Variants in MAF observed in about 807,000 individuals in gnomAD.
MAF encodes the protein transcription factor Maf.
A neutral mutation model predicts 22.0 loss-of-function variants in MAF; 10 were observed. That is an observed-to-expected ratio of 0.45 (90% confidence interval 0.28 to 0.77). The LOEUF is 0.77. MAF is among the 30% of genes least tolerant of loss of function. MAF has a pLI of 0.12. For missense variants in MAF, 544 were observed against 548.4 expected, an observed-to-expected ratio of 0.99 and a Z score of 0.08; for synonymous variants, 337 against 255.8, an observed-to-expected ratio of 1.32 and a Z score of -3.03.
the MAF span, among the ~76,000 whole-genome samples, chr16:79,443,738 C>A: frequency 6.6e-6 from 1 of 152,188 alleles, no homozygotes; most frequent in Non-Finnish European, 1.5e-5. Flanking sequence ...TGACTTATGT[C>A]TGCCTGGATG....
chr16:79,211,108 G>T, the MAF span, among the ~76,000 whole-genome samples: 2 of 151,540 alleles, frequency 1.3e-5, no homozygotes, highest in Admixed American at 6.6e-5. Flanking sequence ...GCAGCACCGT[G>T]GGCAAAGCAT....
the MAF span, among the ~76,000 whole-genome samples, chr16:79,233,404 C>T: frequency 2.0e-5 from 3 of 152,124 alleles, no homozygotes; most frequent in East Asian, 1.9e-4. Context: ...TAACATTACA[C>T]TGGACGCTAA....
chr16:79,490,597 T>C, the MAF span, among the ~76,000 whole-genome samples: 2 of 140,916 alleles, frequency 1.4e-5, no homozygotes, highest in African/African-American at 2.6e-5. Flanking sequence ...TAGAAGTATA[T>C]GCATGCACAC....
chr16:79,451,322 G>A, the MAF span, among the ~76,000 whole-genome samples: 2 of 152,196 alleles, frequency 1.3e-5, no homozygotes, highest in African/African-American at 4.8e-5. Flanking sequence ...TCCACAGGAG[G>A]CTAATAGGAC....
chr16:79,323,791 G>C, the MAF span, among the ~76,000 whole-genome samples: 1 of 152,162 alleles, frequency 6.6e-6, no homozygotes, highest in African/African-American at 2.4e-5. Context: ...GAAATAACGA[G>C]GGGACCTGCA....
the MAF span, among the ~76,000 whole-genome samples, chr16:79,288,432 T>G: frequency 1.3e-5 from 2 of 152,162 alleles, no homozygotes; most frequent in African/African-American, 4.8e-5. Context: ...GGAGGCCATG[T>G]GGACAGAGAG....
At chr16:79,502,674 A>AATAAATATAAATATAAATATAAAT in the MAF span, among the ~76,000 whole-genome samples, 3 of 76,004 alleles carry the variant, frequency 3.9e-5, no homozygotes, top group South Asian at 5.0e-4. Context: ...TCCAAAAATA[A>AATAAATATAAATATAAATATAAAT]ATAAATATAA....
chr16:79,583,157 G>C (rs181915347), downstream of MAF, among the ~76,000 whole-genome samples: 1 of 152,298 alleles, frequency 6.6e-6, no homozygotes, highest in East Asian at 1.9e-4. Context: ...TTTATTTCTG[G>C]ATGATTACGG....
downstream of MAF, among the ~76,000 whole-genome samples, chr16:79,581,631 T>C (rs1049066055): frequency 1.3e-5 from 2 of 152,108 alleles, no homozygotes; most frequent in African/African-American, 2.4e-5. Context: ...TGCTTTTCAA[T>C]AGACTGAGAG....
At chr16:79,595,438 A>G (rs1331031255) in intron 1 of MAF, 16 of 1,056,694 alleles carry the variant, frequency 1.5e-5, no homozygotes, top group African/African-American at 1.6e-5. Context: ...GAACGGCAGA[A>G]AACAAAACAA....
At chr16:79,536,257 A>G in the MAF span, among the ~76,000 whole-genome samples, 1 of 152,258 alleles carries the variant, frequency 6.6e-6, no homozygotes, top group Admixed American at 6.5e-5. Context: ...CTGCCAGTCA[A>G]CAACAGCAAC....
the MAF span, among the ~76,000 whole-genome samples, chr16:79,317,692 C>T: frequency 3.3e-5 from 5 of 152,142 alleles, no homozygotes; most frequent in African/African-American, 7.2e-5. Context: ...GAGGCAGATG[C>T]TTTGTTTTCC....
chr16:79,581,865 C>T (rs1245937739), downstream of MAF, among the ~76,000 whole-genome samples: 1 of 152,180 alleles, frequency 6.6e-6, no homozygotes, highest in African/African-American at 2.4e-5. Flanking sequence ...GCTCGGTGGC[C>T]ACCTTGTCTC....
chr16:79,326,993 C>T, the MAF span, among the ~76,000 whole-genome samples: 3 of 152,304 alleles, frequency 2.0e-5, no homozygotes, highest in East Asian at 1.9e-4. Context: ...CAATTCATAA[C>T]GTCCTAGCAG....
At chr16:79,293,210 T>C in the MAF span, among the ~76,000 whole-genome samples, 1 of 152,154 alleles carries the variant, frequency 6.6e-6, no homozygotes, top group Non-Finnish European at 1.5e-5. Context: ...GATTCCTTTC[T>C]GGTAACAACA....
chr16:79,347,667 C>G, the MAF span, among the ~76,000 whole-genome samples: 1 of 152,152 alleles, frequency 6.6e-6, no homozygotes, highest in African/African-American at 2.4e-5. Context: ...TCAGCTCCGC[C>G]GGGCTGGGGA....
At chr16:79,234,805 G>A in the MAF span, among the ~76,000 whole-genome samples, 1 of 152,100 alleles carries the variant, frequency 6.6e-6, no homozygotes, top group Admixed American at 6.6e-5. Context: ...GGTAGGATCT[G>A]ATTCAGCCAC....
chr16:79,312,987 G>T, the MAF span, among the ~76,000 whole-genome samples: 2 of 152,176 alleles, frequency 1.3e-5, no homozygotes, highest in Non-Finnish European at 2.9e-5. Context: ...GGAGAGAGAA[G>T]TTGCATGCAA....
At chr16:79,588,256 C>A (rs1162028012) in intron 1 of MAF, among the ~76,000 whole-genome samples, 1 of 152,128 alleles carries the variant, frequency 6.6e-6, no homozygotes, top group Non-Finnish European at 1.5e-5. Flanking sequence ...TGCTCCGAGT[C>A]ACAGAAAGTC....
Sources: gnomAD v4.1 joint callset for allele counts (sites outside exome capture counted in the v4.1 genomes callset) on GRCh38, gnomAD v4.1.1 for gene constraint, MANE v1.5 for transcripts, NCBI Gene and HGNC (gene_info 2026-07-23, HGNC 2026-07-21) for gene names.